Variants in KALRN observed in about 807,000 individuals in gnomAD.
The protein encoded by KALRN is kalirin.
KALRN carries 70 observed loss-of-function variants against 353.7 expected under a neutral mutation model. The ratio of observed to expected loss-of-function variants is 0.20; its 90% CI spans 0.16 to 0.24. The LOEUF (loss-of-function observed/expected upper bound fraction) is 0.24. KALRN is among the 10% of genes least tolerant of loss of function. The pLI is 1.00. For missense variants in KALRN, 2,791 were observed against 3,756.7 expected, an observed-to-expected ratio of 0.74 and a Z score of 6.72; for synonymous variants, 1,391 against 1,434.8, an observed-to-expected ratio of 0.97 and a Z score of 0.69.
chr3:124,461,137 T>G, intron 23 of KALRN, among the ~76,000 whole-genome samples: 1 of 152,358 alleles, frequency 6.6e-6, no homozygotes, highest in South Asian at 2.1e-4. Flanking sequence ...ATCTTTTATA[T>G]TTTTAAATAA....
chr3:124,564,482 A>G (rs892908491), intron 34 of KALRN, among the ~76,000 whole-genome samples: 7 of 152,056 alleles, frequency 4.6e-5, no homozygotes, highest in African/African-American at 1.7e-4. Flanking sequence ...TTGAGACCAG[A>G]CTGGGCAACA....
At chr3:124,676,084 C>G (rs575794340) in intron 49 of KALRN, among the ~76,000 whole-genome samples, 1 of 152,174 alleles carries the variant, frequency 6.6e-6, no homozygotes, top group Non-Finnish European at 1.5e-5. Context: ...TTTTACTAAT[C>G]AGGGGACTTG....
chr3:124,260,265 C>A (rs532403249), intron 3 of KALRN, among the ~76,000 whole-genome samples: 1 of 152,270 alleles, frequency 6.6e-6, no homozygotes, highest in South Asian at 2.1e-4. Flanking sequence ...ATCTTCACAG[C>A]AACCTAGGAG....
intron 14 of KALRN, among the ~76,000 whole-genome samples, chr3:124,414,983 G>A (rs1195757392): frequency 2.0e-5 from 3 of 152,206 alleles, no homozygotes; most frequent in African/African-American, 7.2e-5. Context: ...AGCATTCAAA[G>A]GGACTTCACT....
intron 10 of KALRN, among the ~76,000 whole-genome samples, chr3:124,376,535 T>C (rs2086615042): frequency 6.6e-6 from 1 of 152,230 alleles, no homozygotes; most frequent in Non-Finnish European, 1.5e-5. Context: ...GAGAAATATA[T>C]TCCTGGAGTT....
chr3:124,627,308 G>C (rs956929130), intron 34 of KALRN, among the ~76,000 whole-genome samples: 2 of 152,202 alleles, frequency 1.3e-5, no homozygotes, highest in Admixed American at 6.5e-5. Context: ...CATGGCTCCA[G>C]TTGCTTGCAT....
intron 10 of KALRN, among the ~76,000 whole-genome samples, chr3:124,364,719 C>G (rs1268213650): frequency 6.6e-6 from 1 of 152,178 alleles, no homozygotes; most frequent in African/African-American, 2.4e-5. Flanking sequence ...TTGTCTTTCT[C>G]TCCTCTGACT....
intron 1 of KALRN, among the ~76,000 whole-genome samples, chr3:124,048,595 C>T (rs1166205462): frequency 6.6e-6 from 1 of 152,054 alleles, no homozygotes; most frequent in Admixed American, 6.6e-5. Context: ...CATTCTCCTG[C>T]CTCAGCCTCC....
chr3:124,629,719 C>T (rs1275958880), intron 34 of KALRN, among the ~76,000 whole-genome samples: 2 of 152,194 alleles, frequency 1.3e-5, no homozygotes, highest in African/African-American at 4.8e-5. Context: ...AAAGTCCATA[C>T]CAGCCCTCTG....
intron 1 of KALRN, among the ~76,000 whole-genome samples, chr3:124,201,827 G>C (rs555242947): frequency 2.6e-5 from 4 of 152,218 alleles, no homozygotes; most frequent in African/African-American, 7.2e-5. Context: ...TAAGGGAGTG[G>C]TTCCTGTCTT....
At chr3:124,426,720 G>A (rs558815433) in intron 15 of KALRN, among the ~76,000 whole-genome samples, 2 of 152,288 alleles carry the variant, frequency 1.3e-5, no homozygotes, top group South Asian at 4.1e-4. Flanking sequence ...CCATGGAGCA[G>A]ATCCCTGAAC....
intron 25 of KALRN, 56 bp from the exon 26 acceptor site, chr3:124,474,607 C>T: frequency 4.2e-6 from 6 of 1,414,516 alleles, no homozygotes; most frequent in Admixed American, 3.4e-5. Context: ...CAGTGCAATC[C>T]TCTGGGGGGT....
intron 1 of KALRN, among the ~76,000 whole-genome samples, chr3:124,207,782 C>G (rs1445528615): frequency 6.6e-6 from 1 of 152,168 alleles, no homozygotes; most frequent in African/African-American, 2.4e-5. Flanking sequence ...CACTTAGGAG[C>G]CTGCACTTAG....
chr3:124,567,942 T>C (rs2073055643), intron 34 of KALRN, among the ~76,000 whole-genome samples: 1 of 151,930 alleles, frequency 6.6e-6, no homozygotes, highest in Non-Finnish European at 1.5e-5. Flanking sequence ...GCCACTGCAC[T>C]CCAGCCTGGG....
intron 8 of KALRN, among the ~76,000 whole-genome samples, chr3:124,333,273 A>C (rs566290139): frequency 6.6e-6 from 1 of 152,246 alleles, no homozygotes; most frequent in Non-Finnish European, 1.5e-5. Context: ...CAGACAAACC[A>C]TATCAATGGT....
chr3:124,664,379 G>GCGCT, intron 45 of KALRN, among the ~76,000 whole-genome samples: 1 of 150,484 alleles, frequency 6.6e-6, no homozygotes, highest in Non-Finnish European at 1.5e-5. Context: ...GTGCGCGCGC[G>GCGCT]CGCATATAAG....
At chr3:124,545,765 T>G (rs1030631387) in intron 33 of KALRN, among the ~76,000 whole-genome samples, 1 of 152,226 alleles carries the variant, frequency 6.6e-6, no homozygotes, top group African/African-American at 2.4e-5. Context: ...GCTGAGACTT[T>G]ATGATGCAGC....
At chr3:124,478,542 T>A (rs1387973231) in intron 27 of KALRN, among the ~76,000 whole-genome samples, 1 of 152,102 alleles carries the variant, frequency 6.6e-6, no homozygotes, top group African/African-American at 2.4e-5. Context: ...AATGGAGCAT[T>A]AATATGGAAA....
chr3:124,114,341 T>G (rs1222140643), intron 1 of KALRN, among the ~76,000 whole-genome samples: 1 of 152,170 alleles, frequency 6.6e-6, no homozygotes, highest in Non-Finnish European at 1.5e-5. Context: ...GCCAATGCCG[T>G]GGGCTCACAT....
Sources: allele counts gnomAD v4.1 joint callset (sites outside exome capture counted in the v4.1 genomes callset), GRCh38; gene constraint gnomAD v4.1.1; transcripts MANE v1.5; gene names NCBI Gene and HGNC (gene_info 2026-07-23, HGNC 2026-07-21).